The following SRGAP1 variants were observed in gnomAD, a reference collection of about 807,000 sequenced individuals.
SRGAP1 encodes the protein SLIT-ROBO Rho GTPase-activating protein 1.
SRGAP1 carries 43 observed loss-of-function variants against 121.9 expected under a neutral mutation model. The observed-to-expected ratio is 0.35, with a 90% CI of 0.28 to 0.46. The LOEUF (loss-of-function observed/expected upper bound fraction) is 0.46, where lower values mean the gene tolerates loss of function less well. SRGAP1 is among the 20% of genes least tolerant of loss of function. The probability of loss-of-function intolerance (pLI) is 1.00; values close to 1 mark genes in which losing one functional copy is unlikely to be tolerated. For missense variants in SRGAP1, 1,102 were observed against 1,350.9 expected (o/e 0.82, Z 2.89); for synonymous variants, 447 against 485.4 (o/e 0.92, Z 1.04).
intron 1 of SRGAP1, among the ~76,000 whole-genome samples, chr12:63,894,692 A>T (rs1317567414): frequency 6.6e-6 from 1 of 152,102 alleles, no homozygotes; most frequent in Admixed American, 6.5e-5. Flanking sequence ...TCATTGTTCA[A>T]TTCCCACCTA....
rs563209697 is a variant in SRGAP1, at chr12:64,119,561, G to A, written c.2224+3668G>A. ...CAAATAAACTTTTTATTCTTTCTCTGTAGAGATTTTTTTCATTTTCTAACT... is the reference window on the plus strand; with the variant it reads ...CAAATAAACTTTTTATTCTTTCTCTATAGAGATTTTTTTCATTTTCTAACT... On this transcript the variant is annotated intron_variant, in intron 18 of 21. Coordinates refer to ENST00000355086, the MANE Select transcript of SRGAP1 (RefSeq NM_020762.4). 2.6e-5 allele frequency among the ~76,000 whole-genome samples: 4 copies of A among 152,030 alleles called. No homozygotes were observed. The East Asian group carries it at 7.7e-4, about 29-fold the overall frequency.
intron 18 of SRGAP1, among the ~76,000 whole-genome samples, chr12:64,119,664 G>C (rs887973854): frequency 6.7e-6 from 1 of 149,522 alleles, no homozygotes; most frequent in Admixed American, 6.7e-5. Context: ...GTTTTCTCTA[G>C]TACTTCTTTA....
In SRGAP1 at chr12:64,065,159, C is replaced by T; in HGVS notation, c.1065C>T (p.Leu355=). The stretch of plus-strand genomic sequence containing the variant: ...CCCAGCAGCCAGTCCAGGCAGAGCT[C>T]ATGCTCAGGTACCAACAGTTGCAGT... The part of the protein sequence containing the change: ...VSAQQPVQAE[L]MLRYQQLQSR... Residue 355 remains leucine, a synonymous_variant, in exon 8 of 22, where the codon CTC becomes CTT. Transcript: ENST00000355086. The T allele has an allele frequency of 6.2e-7, 1 of 1,613,744 alleles. No individual in the cohort carries two copies. The highest frequency in any genetic ancestry group is 8.5e-7 in the Non-Finnish European group (1 of 1,179,904).
chr12:63,864,949 A>G (rs1425796744), intron 1 of SRGAP1, among the ~76,000 whole-genome samples: 2 of 152,160 alleles, frequency 1.3e-5, no homozygotes, highest in Non-Finnish European at 2.9e-5. Context: ...TGTTGGCTAA[A>G]ATAGAGATTG....
rs11312893 is a variant in SRGAP1, at chr12:64,023,204, CAAAAAAAAAAA to C, written c.489+6205_489+6215del. On this transcript the variant is annotated intron_variant, in intron 4 of 21. Coordinates refer to ENST00000355086, the MANE Select transcript of SRGAP1 (RefSeq NM_020762.4). ...TGATGAATATATGTTACTTTTGTAC[CAAAAAAAAAAA>C]AAAAAAAAAAAAGGAAGGTAACTTC... 3.9e-5 allele frequency among the ~76,000 whole-genome samples: 3 copies of C among 77,076 alleles called. No homozygotes were observed. In the South Asian group the frequency reaches 1.6e-3, roughly 41 times the overall value. The allele number at this position is 77,076 out of a possible 152,430, so 50.6% of individuals were successfully genotyped here. A position where few individuals can be genotyped will look rare whatever the true frequency, so the allele number is the denominator to read the frequency against.
chr12:63,990,526 C>T (rs895012060), intron 3 of SRGAP1, among the ~76,000 whole-genome samples: 5 of 151,436 alleles, frequency 3.3e-5, no homozygotes, highest in South Asian at 2.1e-4. Flanking sequence ...AGTGAGACTC[C>T]GACTCAAACA....
chr12:63,982,228 A>G (rs1394854547), intron 1 of SRGAP1, among the ~76,000 whole-genome samples: 1 of 150,946 alleles, frequency 6.6e-6, no homozygotes, highest in African/African-American at 2.5e-5. Flanking sequence ...AAACAAAAAC[A>G]AAAACAAAAA....
chr12:63,994,476 G>A (rs1266196476), intron 3 of SRGAP1, among the ~76,000 whole-genome samples: 1 of 152,160 alleles, frequency 6.6e-6, no homozygotes, highest in African/African-American at 2.4e-5. Flanking sequence ...TGAACATTTA[G>A]TGGGAAATCA....
chr12:63,911,331 C>T (rs1052476488), intron 1 of SRGAP1, among the ~76,000 whole-genome samples: 6 of 151,610 alleles, frequency 4.0e-5, no homozygotes, highest in Admixed American at 3.9e-4. Flanking sequence ...AAGAAAACAC[C>T]TCAATAACTT....
intron 4 of SRGAP1, chr12:64,032,513 C>T: frequency 8.3e-7 from 1 of 1,200,638 alleles, no homozygotes; most frequent in Non-Finnish European, 1.2e-6. Flanking sequence ...AGGCATGGAG[C>T]AGGCCTGGGC....
At chr12:64,076,931 C>G (rs2035749271) in intron 8 of SRGAP1, among the ~76,000 whole-genome samples, 1 of 152,118 alleles carries the variant, frequency 6.6e-6, no homozygotes, top group Admixed American at 6.5e-5. Flanking sequence ...GTGTGAGTCA[C>G]CACGCCCCGC....
intron 6 of SRGAP1, among the ~76,000 whole-genome samples, chr12:64,061,389 T>G (rs527501187): frequency 1.3e-5 from 2 of 152,336 alleles, no homozygotes; most frequent in East Asian, 3.9e-4. Flanking sequence ...ATATGCAAAT[T>G]CAAAATATTG....
intron 1 of SRGAP1, among the ~76,000 whole-genome samples, chr12:63,881,916 A>G (rs1900207588): frequency 6.6e-6 from 1 of 152,208 alleles, no homozygotes; most frequent in Admixed American, 6.5e-5. Flanking sequence ...ATAAATTACT[A>G]AAACTCTAGA....
chr12:63,943,258 T>C (rs2031927995), intron 1 of SRGAP1, among the ~76,000 whole-genome samples: 1 of 152,216 alleles, frequency 6.6e-6, no homozygotes, highest in African/African-American at 2.4e-5. Flanking sequence ...GCATCTAATA[T>C]GTGCAAGGCC....
chr12:64,102,398 T>C (rs77303195), intron 15 of SRGAP1, among the ~76,000 whole-genome samples: 3,909 of 152,338 alleles, frequency 0.026, 150 homozygotes, highest in African/African-American at 0.089. Flanking sequence ...AGCAGCTTTA[T>C]TGAGATATAA....
rs1408588703 is a variant in SRGAP1 at position 63,992,736 on chromosome 12, GAGAC to G, written c.426+2670_426+2673del. Among the ~76,000 whole-genome samples the G allele has an allele frequency of 5.2e-3, 792 of 151,322 alleles. 10 individuals carry two copies. Among genetic ancestry groups the G allele is most frequent in the African/African-American group, 0.018 (757 of 41,112 alleles). ...ACACACGTGCAGAGAGAGAGACAGA[GAGAC>G]AGACAAAAACAGATATGTCTTCTTG... On this transcript the variant is annotated intron_variant, in intron 3 of 21. Transcript: ENST00000355086.
intron 1 of SRGAP1, among the ~76,000 whole-genome samples, chr12:63,952,598 A>G (rs1198212974): frequency 6.6e-6 from 1 of 152,196 alleles, no homozygotes; most frequent in African/African-American, 2.4e-5. Context: ...GATGAGAATC[A>G]GATGCATCCT....
intron 4 of SRGAP1, among the ~76,000 whole-genome samples, chr12:64,033,928 G>A (rs1360857318): frequency 1.3e-5 from 2 of 152,156 alleles, no homozygotes; most frequent in Non-Finnish European, 2.9e-5. Context: ...GCTGAGGCAG[G>A]AGAATTGCTT....
At chr12:63,935,364 T>C (rs959953362) in intron 1 of SRGAP1, among the ~76,000 whole-genome samples, 3 of 152,222 alleles carry the variant, frequency 2.0e-5, no homozygotes, top group Admixed American at 6.5e-5. Flanking sequence ...GCTCTATTTT[T>C]TTCAAATAAC....
Sources: allele counts gnomAD v4.1 joint callset (sites outside exome capture counted in the v4.1 genomes callset), GRCh38; gene constraint gnomAD v4.1.1; transcripts MANE v1.5; gene names NCBI Gene and HGNC (gene_info 2026-07-23, HGNC 2026-07-21).